ADGRL3: variants seen among roughly 807,000 people sequenced by gnomAD.
The protein encoded by ADGRL3 is calcium-independent alpha-latrotoxin receptor 3.
ADGRL3 carries 62 observed loss-of-function variants against 153.5 expected under a neutral mutation model. The ratio of observed to expected loss-of-function variants is 0.40; its 90% CI spans 0.33 to 0.50. The LOEUF is 0.50. ADGRL3 is among the 20% of genes least tolerant of loss of function. ADGRL3 has a pLI of 0.47. For missense variants in ADGRL3, 1,641 were observed against 1,859.4 expected (o/e 0.88, Z 2.16); for synonymous variants, 710 against 672.5 (o/e 1.06, Z -0.86).
chr4:61,761,564 C>T (rs77449416), intron 8 of ADGRL3, among the ~76,000 whole-genome samples: 4,070 of 152,170 alleles, frequency 0.027, 116 homozygotes, highest in East Asian at 0.076. Flanking sequence ...GAGACTGACA[C>T]AGGAGGATTG....
chr4:61,890,415 T>C (rs1262435785), intron 9 of ADGRL3, among the ~76,000 whole-genome samples: 2 of 152,076 alleles, frequency 1.3e-5, no homozygotes, highest in Non-Finnish European at 2.9e-5. Context: ...TAGTTTCTTA[T>C]AGTTCTAGAG....
chr4:61,924,974 T>A (rs2098788327), intron 13 of ADGRL3, among the ~76,000 whole-genome samples: 1 of 152,208 alleles, frequency 6.6e-6, no homozygotes, highest in Non-Finnish European at 1.5e-5. Flanking sequence ...TTTGTTAAGA[T>A]ATATCTCAAG....
At chr4:62,058,334 A>G (rs1186541385) in intron 25 of ADGRL3, among the ~76,000 whole-genome samples, 1 of 152,196 alleles carries the variant, frequency 6.6e-6, no homozygotes, top group African/African-American at 2.4e-5. Flanking sequence ...GAAGGAAATA[A>G]ATTACATTAG....
At chr4:61,307,817 A>G (rs896387700) in intron 1 of ADGRL3, among the ~76,000 whole-genome samples, 1 of 152,202 alleles carries the variant, frequency 6.6e-6, no homozygotes, top group African/African-American at 2.4e-5. Flanking sequence ...ATAATTAGCA[A>G]TTTGAGTTTT....
At position 61,248,018 on chromosome 4, in the gene ADGRL3, AT is replaced by A. The variant is rs551477212; in HGVS notation, c.-240+46257del. Among the ~76,000 whole-genome samples, 168 of 152,210 alleles carry A rather than the reference AT, an allele frequency of 1.1e-3. 1 individual carries two copies. The highest frequency in any genetic ancestry group is 3.8e-3 in the African/African-American group (157 of 41,550). ...ATTAATTTGTATATGTTTTAGAGCT[AT>A]TTTATTTACTCTAGATATCCCTGTA... On this transcript the variant is annotated intron_variant, in intron 1 of 26. Coordinates refer to ENST00000683033, the MANE Select transcript of ADGRL3 (RefSeq NM_001387552.1).
intron 5 of ADGRL3, among the ~76,000 whole-genome samples, chr4:61,619,934 A>G (rs2092376999): frequency 6.6e-6 from 1 of 152,198 alleles, no homozygotes; most frequent in Non-Finnish European, 1.5e-5. Context: ...TTAAAATTTC[A>G]TCTGTGTCAA....
intron 4 of ADGRL3, among the ~76,000 whole-genome samples, chr4:61,562,815 A>T (rs1221273750): frequency 6.6e-6 from 1 of 152,040 alleles, no homozygotes; most frequent in African/African-American, 2.4e-5. Context: ...TCAGTCAATC[A>T]TGAATGTTCT....
intron 5 of ADGRL3, among the ~76,000 whole-genome samples, chr4:61,650,378 T>TA (rs567775613): frequency 1.1e-3 from 173 of 152,156 alleles, no homozygotes; most frequent in Non-Finnish European, 1.8e-3. Flanking sequence ...AAGCAATGAG[T>TA]AAAAGCATGT....
intron 2 of ADGRL3, among the ~76,000 whole-genome samples, chr4:61,452,526 T>C (rs149514735): frequency 1.3e-5 from 2 of 152,206 alleles, no homozygotes; most frequent in Admixed American, 1.3e-4. Flanking sequence ...GGCAAACTGT[T>C]GTTCTTTGTT....
chr4:61,294,592 A>AT (rs1255890375), intron 1 of ADGRL3, among the ~76,000 whole-genome samples: 1 of 152,138 alleles, frequency 6.6e-6, no homozygotes, highest in Non-Finnish European at 1.5e-5. Flanking sequence ...CATCAGTTTA[A>AT]TTGGCAAATT....
At chr4:62,057,138 T>A (rs1486601988) in intron 25 of ADGRL3, among the ~76,000 whole-genome samples, 1 of 152,198 alleles carries the variant, frequency 6.6e-6, no homozygotes, top group East Asian at 1.9e-4. Flanking sequence ...ATTATGTTTC[T>A]GAATGATAGA....
intron 5 of ADGRL3, among the ~76,000 whole-genome samples, chr4:61,621,273 T>A (rs759856099): frequency 6.6e-6 from 1 of 152,158 alleles, no homozygotes; most frequent in African/African-American, 2.4e-5. Flanking sequence ...GATTGAGGCC[T>A]TGATGTTACA....
chr4:61,850,515 A>G (rs2098189054), intron 9 of ADGRL3, among the ~76,000 whole-genome samples: 2 of 152,188 alleles, frequency 1.3e-5, no homozygotes, highest in Admixed American at 6.5e-5. Flanking sequence ...CCAAGTGAAT[A>G]GTCCTGATCT....
chr4:61,740,578 A>G (rs946418585), intron 8 of ADGRL3, among the ~76,000 whole-genome samples: 1 of 152,170 alleles, frequency 6.6e-6, no homozygotes, highest in Non-Finnish European at 1.5e-5. Flanking sequence ...CAAACATTCT[A>G]ATTTTCCTTG....
intron 8 of ADGRL3, among the ~76,000 whole-genome samples, chr4:61,757,396 G>T (rs926972883): frequency 6.6e-6 from 1 of 152,156 alleles, no homozygotes; most frequent in Non-Finnish European, 1.5e-5. Context: ...AGATTTTCTA[G>T]TTTATTTGCA....
intron 10 of ADGRL3, among the ~76,000 whole-genome samples, chr4:61,893,358 C>T (rs1055569693): frequency 6.6e-6 from 1 of 152,108 alleles, no homozygotes; most frequent in African/African-American, 2.4e-5. Context: ...TGTAGATGTA[C>T]TGGCTACTCT....
intron 4 of ADGRL3, among the ~76,000 whole-genome samples, chr4:61,531,972 A>G (rs1343522116): frequency 1.3e-5 from 2 of 152,224 alleles, no homozygotes; most frequent in East Asian, 3.9e-4. Context: ...ACATGCATAT[A>G]AAATAAGGAA....
At chr4:62,031,655 A>C in intron 23 of ADGRL3, 45 bp downstream of exon 23, 11 of 1,371,474 alleles carry the variant, frequency 8.0e-6, no homozygotes, top group Non-Finnish European at 1.0e-5. Context: ...CATACATTTC[A>C]TGATAGCAAA....
intron 8 of ADGRL3, among the ~76,000 whole-genome samples, chr4:61,754,684 AT>A (rs1224815247): frequency 6.6e-6 from 1 of 152,086 alleles, no homozygotes; most frequent in Non-Finnish European, 1.5e-5. Flanking sequence ...TTAGTTACAT[AT>A]GTATACATGT....
Sources: allele counts gnomAD v4.1 joint callset (sites outside exome capture counted in the v4.1 genomes callset), GRCh38; gene constraint gnomAD v4.1.1; transcripts MANE v1.5; gene names NCBI Gene and HGNC (gene_info 2026-07-23, HGNC 2026-07-21).